FRAS1: variants seen among roughly 807,000 people sequenced by gnomAD.
FRAS1 encodes the protein extracellular matrix organizing protein FRAS1.
In FRAS1, 290 loss-of-function variants were observed where a neutral mutation model predicts 435.2. The ratio of observed to expected loss-of-function variants is 0.67; its 90% CI spans 0.61 to 0.73. The LOEUF is 0.73. FRAS1 is among the 30% of genes least tolerant of loss of function. The pLI is 0.00. For missense variants in FRAS1, 4,860 were observed against 5,001.5 expected (o/e 0.97, Z 0.85); for synonymous variants, 1,800 against 1,851.0 (o/e 0.97, Z 0.71).
chr4:78,396,683 G>A (rs1259304465), intron 29 of FRAS1, among the ~76,000 whole-genome samples: 1 of 152,192 alleles, frequency 6.6e-6, no homozygotes, highest in Non-Finnish European at 1.5e-5. Context: ...TGTCCCATAA[G>A]TTCGGTAAAC....
At chr4:78,497,481 A>G (rs1017116878) in intron 60 of FRAS1, among the ~76,000 whole-genome samples, 3 of 152,346 alleles carry the variant, frequency 2.0e-5, no homozygotes, top group Admixed American at 6.5e-5. Flanking sequence ...AAACTGGGAC[A>G]TAATTGTTTC....
intron 17 of FRAS1, 144 bp from the exon 18 acceptor site, chr4:78,318,666 C>T (rs1729372828): frequency 4.0e-6 from 3 of 750,214 alleles, no homozygotes; most frequent in Non-Finnish European, 4.0e-6. Context: ...TATTATCACT[C>T]TGTGCTTTGT....
chr4:78,385,586 T>A (rs1732187208), intron 28 of FRAS1, among the ~76,000 whole-genome samples: 1 of 152,156 alleles, frequency 6.6e-6, no homozygotes, highest in Admixed American at 6.6e-5. Flanking sequence ...AAATTTTGTT[T>A]TAATTAAAAC....
At chr4:78,363,817 A>G (rs1731168546) in intron 21 of FRAS1, 91 bp from the exon 22 acceptor site, 1 of 1,476,052 alleles carries the variant, frequency 6.8e-7, no homozygotes. Context: ...CAATGTTCTC[A>G]GTGTTGGGAC....
At chr4:78,302,997 C>T (rs893957154) in intron 14 of FRAS1, among the ~76,000 whole-genome samples, 36 of 152,126 alleles carry the variant, frequency 2.4e-4, no homozygotes, top group African/African-American at 7.9e-4. Context: ...TTAGGACTAA[C>T]GTTTAAGTCT....
chr4:78,448,766 A>G (rs1718933252), intron 44 of FRAS1, among the ~76,000 whole-genome samples: 1 of 152,232 alleles, frequency 6.6e-6, no homozygotes, highest in Non-Finnish European at 1.5e-5. Context: ...AAGTGATTAT[A>G]CAAATAATTG....
intron 2 of FRAS1, among the ~76,000 whole-genome samples, chr4:78,136,688 G>A (rs1005566832): frequency 6.6e-6 from 1 of 152,164 alleles, no homozygotes; most frequent in African/African-American, 2.4e-5. Flanking sequence ...GCAGATGTTT[G>A]AGCCAGAGTT....
At chr4:78,194,859 G>A (rs1425319434) in intron 2 of FRAS1, among the ~76,000 whole-genome samples, 1 of 151,946 alleles carries the variant, frequency 6.6e-6, no homozygotes, top group African/African-American at 2.4e-5. Context: ...TGATTTTTAC[G>A]GTTTTCTGTT....
At chr4:78,089,010 C>G (rs1171733100) in intron 2 of FRAS1, among the ~76,000 whole-genome samples, 4 of 152,068 alleles carry the variant, frequency 2.6e-5, no homozygotes, top group Admixed American at 2.6e-4. Context: ...TTCACAATAG[C>G]AAAGACATGG....
intron 29 of FRAS1, among the ~76,000 whole-genome samples, chr4:78,387,987 T>C (rs887462808): frequency 6.6e-6 from 1 of 152,162 alleles, no homozygotes; most frequent in Non-Finnish European, 1.5e-5. Flanking sequence ...TGCCTGAGCA[T>C]AACCATAAGA....
Position 78,519,389 on chromosome 4 carries a change from T to C in FRAS1, c.10448T>C (p.Ile3483Thr), listed in dbSNP as rs750228257. Residue 3483 changes from isoleucine (I) to threonine (T), a missense_variant, in exon 67 of 74, where the codon ATC becomes ACC. Ile to Thr is a moderately conservative substitution (Grantham distance 89, BLOSUM62 -1). Transcript: ENST00000512123. ...CACGTGCCTCTATATGTGTCCTACA[T>C]CTATGTGACAGCCCCCAGGGGCTGG... ...TVHVPLYVSY[I>T]YVTAPRGWAS... The C allele has an allele frequency of 6.2e-7, 1 of 1,610,076 alleles. No homozygotes were observed. Among genetic ancestry groups the C allele is most frequent in the South Asian group, 1.1e-5 (1 of 90,526 alleles).
At position 78,474,751 on chromosome 4, in the gene FRAS1, G is replaced by A. The variant is rs958187619; in HGVS notation, c.7683-687G>A. Among the ~76,000 whole-genome samples, 10 of 152,288 alleles carry A rather than the reference G, an allele frequency of 6.6e-5. 1 individual carries two copies. The highest frequency in any genetic ancestry group is 3.9e-4 in the East Asian group (2 of 5,192). The stretch of plus-strand genomic sequence containing the variant: ...CACCCAGGTCTAGGGGCCATCCTCA[G>A]TGGTGAAAAACAAAGCCCAGCTCAT... On this transcript the variant is annotated intron_variant, in intron 53 of 73. Transcript: ENST00000512123.
At chr4:78,516,559 G>A (rs1312770937) in intron 66 of FRAS1, among the ~76,000 whole-genome samples, 1 of 152,198 alleles carries the variant, frequency 6.6e-6, no homozygotes, top group Non-Finnish European at 1.5e-5. Context: ...ACATTAGTGT[G>A]TTAGTCTATT....
chr4:78,286,542 A>T lies in FRAS1; in HGVS notation c.1534+3A>T. ...CCAAGATCGCCATTCCTGTGCAGGT[A>T]ATCTCTGGCTGGGCCACAGTTGGGC... On this transcript the variant is annotated splice_donor_region_variant and intron_variant, in intron 14 of 73. Transcript: ENST00000512123. 1 of 1,611,206 alleles carries T rather than the reference A, an allele frequency of 6.2e-7. No individual in the cohort carries two copies. The highest frequency in any genetic ancestry group is 1.3e-5 in the African/African-American group (1 of 74,986).
intron 2 of FRAS1, among the ~76,000 whole-genome samples, chr4:78,077,983 ATAAT>A (rs1301112137): frequency 2.6e-5 from 4 of 152,076 alleles, no homozygotes; most frequent in Non-Finnish European, 5.9e-5. Context: ...ACAAACAAAA[ATAAT>A]TAATACTAAA....
chr4:78,363,851 TG>T, intron 21 of FRAS1, 56 bp from the exon 22 acceptor site: 1 of 1,560,140 alleles, frequency 6.4e-7, no homozygotes, highest in South Asian at 1.2e-5. Flanking sequence ...CTTGGGGTGC[TG>T]CTTTGGAAGA....
chr4:78,309,028 A>G (rs1202045278), intron 15 of FRAS1, among the ~76,000 whole-genome samples: 2 of 152,216 alleles, frequency 1.3e-5, no homozygotes, highest in Non-Finnish European at 2.9e-5. Flanking sequence ...AGCCCCATGC[A>G]ATCAATCACA....
At chr4:78,520,650 AGTT>A (rs1456805551) in intron 67 of FRAS1, among the ~76,000 whole-genome samples, 2 of 152,202 alleles carry the variant, frequency 1.3e-5, no homozygotes, top group Non-Finnish European at 2.9e-5. Context: ...CTATATAAAT[AGTT>A]GTTATGCTAT....
At chr4:78,364,703 C>A (rs1194822594) in intron 22 of FRAS1, among the ~76,000 whole-genome samples, 1 of 152,222 alleles carries the variant, frequency 6.6e-6, no homozygotes, top group African/African-American at 2.4e-5. Flanking sequence ...ATATACTTCA[C>A]AGATGAAGGA....
Sources: gnomAD v4.1 joint callset for allele counts (sites outside exome capture counted in the v4.1 genomes callset) on GRCh38, gnomAD v4.1.1 for gene constraint, MANE v1.5 for transcripts, NCBI Gene and HGNC (gene_info 2026-07-23, HGNC 2026-07-21) for gene names.